MTUS2: variants seen among roughly 807,000 people sequenced by gnomAD.
MTUS2 encodes microtubule associated scaffold protein 2.
A neutral mutation model predicts 114.1 loss-of-function variants in MTUS2; 40 were observed. That is an observed-to-expected ratio of 0.35 (90% CI 0.27 to 0.46). The LOEUF is 0.46. Ranked by LOEUF, MTUS2 falls within the 20% of genes least tolerant of loss-of-function variation. MTUS2 has a pLI of 1.00. For synonymous variants in MTUS2, 688 were observed against 672.0 expected, an observed-to-expected ratio of 1.02 and a Z score of -0.37; for missense variants, 1,679 against 1,705.4, an observed-to-expected ratio of 0.98 and a Z score of 0.27.
chr13:29,153,900 T>C (rs537735099), intron 5 of MTUS2, among the ~76,000 whole-genome samples: 5 of 152,352 alleles, frequency 3.3e-5, no homozygotes, highest in African/African-American at 1.2e-4. Flanking sequence ...GCAGCTGTTA[T>C]ATGTACCTCT....
At chr13:29,159,239 T>C (rs929003926) in intron 5 of MTUS2, among the ~76,000 whole-genome samples, 5 of 152,198 alleles carry the variant, frequency 3.3e-5, no homozygotes, top group African/African-American at 1.2e-4. Flanking sequence ...ATCCAGGACT[T>C]GAAAGACACG....
intron 5 of MTUS2, chr13:29,250,639 A>AG (rs1476257299): frequency 6.6e-6 from 1 of 151,954 alleles, no homozygotes; most frequent in Non-Finnish European, 1.5e-5. Context: ...CGCATTTCAC[A>AG]GGGGAGAGGG....
At chr13:28,864,565 C>T (rs1164506118) in intron 2 of MTUS2, among the ~76,000 whole-genome samples, 2 of 152,022 alleles carry the variant, frequency 1.3e-5, no homozygotes, top group African/African-American at 2.4e-5. Flanking sequence ...ATTTAAAAAC[C>T]CTATGATGAT....
At chr13:28,976,220 AAAAAG>A (rs1362488319) in intron 2 of MTUS2, among the ~76,000 whole-genome samples, 1 of 103,966 alleles carries the variant, frequency 9.6e-6, no homozygotes, top group African/African-American at 3.6e-5. Context: ...AAAAAAAAAA[AAAAAG>A]AAAAGAAGAA....
chr13:29,333,564 A>G (rs1482248824), intron 7 of MTUS2, among the ~76,000 whole-genome samples: 1 of 152,134 alleles, frequency 6.6e-6, no homozygotes, highest in Non-Finnish European at 1.5e-5. Context: ...GTTTCTTAGG[A>G]TTTACATTCT....
intron 2 of MTUS2, among the ~76,000 whole-genome samples, chr13:28,978,537 A>G (rs1884220171): frequency 6.6e-6 from 1 of 152,258 alleles, no homozygotes; most frequent in Non-Finnish European, 1.5e-5. Context: ...AAACTCTTAC[A>G]GTGTTCTTAT....
intron 2 of MTUS2, among the ~76,000 whole-genome samples, chr13:28,906,550 T>C (rs1185447825): frequency 6.6e-6 from 1 of 151,800 alleles, no homozygotes; most frequent in Non-Finnish European, 1.5e-5. Context: ...TCAGTTTCCA[T>C]ATAGTTGAGC....
rs547862357 is a variant in MTUS2 at position 29,504,214 on chromosome 13, G to A, written c.*1008G>A. On this transcript the variant is annotated 3_prime_UTR_variant, in exon 16 of 16. Coordinates refer to ENST00000612955, the MANE Select transcript of MTUS2 (RefSeq NM_001033602.4). ...GTCTGTATTTTGACCAGGCACAGAG[G>A]GGGAACATCACTCCAGCTTTCCATG... 1.3e-5 allele frequency: 3 copies of A among 232,334 alleles called. No homozygotes were observed. The East Asian group carries it at 1.8e-4, about 14-fold the overall frequency. 14.4% of individuals were successfully genotyped at this position (232,334 alleles called of 1,614,324 possible). A position where few individuals can be genotyped will look rare whatever the true frequency, so the allele number is the denominator to read the frequency against.
chr13:28,865,227 G>C (rs1196150376), intron 2 of MTUS2, among the ~76,000 whole-genome samples: 1 of 152,176 alleles, frequency 6.6e-6, no homozygotes, highest in African/African-American at 2.4e-5. Flanking sequence ...TCTGGGCTGG[G>C]GTTCAGGATT....
chr13:29,465,984 A>T (rs1424922168), intron 9 of MTUS2, among the ~76,000 whole-genome samples: 2 of 152,232 alleles, frequency 1.3e-5, no homozygotes, highest in East Asian at 3.8e-4. Flanking sequence ...AGGAGGAGAC[A>T]GTTACCAATG....
chr13:29,281,419 CTGTGTG>C (rs10682778), intron 5 of MTUS2, among the ~76,000 whole-genome samples: 173 of 146,638 alleles, frequency 1.2e-3, no homozygotes, highest in Middle Eastern at 7.1e-3. Context: ...GTATGTATGT[CTGTGTG>C]TGTGTGTGTG....
chr13:29,169,192 C>T (rs1163244440), intron 5 of MTUS2, among the ~76,000 whole-genome samples: 1 of 152,018 alleles, frequency 6.6e-6, no homozygotes, highest in African/African-American at 2.4e-5. Flanking sequence ...AAATGTAATG[C>T]TTGTCATTTT....
chr13:28,921,359 C>A (rs1426119613), intron 2 of MTUS2, among the ~76,000 whole-genome samples: 1 of 152,204 alleles, frequency 6.6e-6, no homozygotes, highest in African/African-American at 2.4e-5. Context: ...CTCATGACTG[C>A]CTGGTGCCCT....
intron 8 of MTUS2, among the ~76,000 whole-genome samples, chr13:29,371,223 C>T (rs1024722105): frequency 2.0e-5 from 3 of 151,268 alleles, no homozygotes; most frequent in African/African-American, 4.9e-5. Context: ...TAACCACCCC[C>T]CCCCCCTTTT....
At chr13:29,171,190 G>A (rs1442661366) in intron 5 of MTUS2, among the ~76,000 whole-genome samples, 4 of 151,962 alleles carry the variant, frequency 2.6e-5, no homozygotes, top group South Asian at 2.1e-4. Context: ...TAATTGTAGC[G>A]AATTAAATTT....
intron 2 of MTUS2, among the ~76,000 whole-genome samples, chr13:28,872,435 G>T (rs1412179548): frequency 3.3e-5 from 5 of 152,162 alleles, no homozygotes; most frequent in Non-Finnish European, 5.9e-5. Flanking sequence ...AGGTGTCTTG[G>T]TTCATTTTGA....
At chr13:29,016,064 C>T (rs1051798910) in intron 2 of MTUS2, among the ~76,000 whole-genome samples, 1 of 151,986 alleles carries the variant, frequency 6.6e-6, no homozygotes, top group Non-Finnish European at 1.5e-5. Context: ...GCCACCACAC[C>T]CAGCTAATTT....
At chr13:28,825,372 A>G (rs936932069) in intron 1 of MTUS2, among the ~76,000 whole-genome samples, 1 of 152,226 alleles carries the variant, frequency 6.6e-6, no homozygotes, top group Non-Finnish European at 1.5e-5. Context: ...AGATGTGGAC[A>G]GTGGAAACCA....
intron 8 of MTUS2, among the ~76,000 whole-genome samples, chr13:29,438,988 G>A (rs181368120): frequency 6.6e-6 from 1 of 152,262 alleles, no homozygotes; most frequent in Admixed American, 6.5e-5. Flanking sequence ...CAGAGGTGCT[G>A]AAACCAAAGG....
Sources: gnomAD v4.1 joint callset for allele counts (sites outside exome capture counted in the v4.1 genomes callset) on GRCh38, gnomAD v4.1.1 for gene constraint, MANE v1.5 for transcripts, NCBI Gene and HGNC (gene_info 2026-07-23, HGNC 2026-07-21) for gene names.